Variants in PPP1R36 observed in about 807,000 individuals in gnomAD.
PPP1R36 encodes chromosome 14 open reading frame 50.
In PPP1R36, 47 loss-of-function variants were observed where a neutral mutation model predicts 53.4. The ratio of observed to expected loss-of-function variants is 0.88; its 90% CI spans 0.70 to 1.12. PPP1R36 has a LOEUF of 1.12. Ranked by LOEUF, PPP1R36 falls within the 50% of genes most tolerant of loss-of-function variation. PPP1R36 has a pLI of 0.00. For synonymous variants in PPP1R36, 153 were observed against 170.5 expected (o/e 0.90, Z 0.80); for missense variants, 456 against 513.9 (o/e 0.89, Z 1.09).
chr14:64,554,142 G>GTTTTT lies in PPP1R36; in HGVS notation c.182+1303_182+1307dup, dbSNP rs367753961. ...AGTCTGAGCAAATCCCATCACAATT[G>GTTTTT]TTTTTTTTTTTTTTTTTTTTTTTTT... On this transcript the variant is annotated intron_variant, in intron 3 of 11. Transcript: ENST00000298705. Among the ~76,000 whole-genome samples, 111 of 65,292 alleles carry GTTTTT rather than the reference G, an allele frequency of 1.7e-3. 12 individuals are homozygous for GTTTTT. Among genetic ancestry groups the GTTTTT allele is most frequent in the African/African-American group, 6.1e-3 (99 of 16,114 alleles). The allele number at this position is 65,292 out of a possible 152,430, so 42.8% of individuals were successfully genotyped here.
At chr14:64,557,394 AAAAT>A (rs1475852129) in intron 3 of PPP1R36, among the ~76,000 whole-genome samples, 1 of 152,192 alleles carries the variant, frequency 6.6e-6, no homozygotes, top group Non-Finnish European at 1.5e-5. Context: ...CCCAATATAT[AAAAT>A]AAGAAGAAGA....
intron 2 of PPP1R36, 119 bp downstream of exon 2, chr14:64,551,104 A>C (rs1218567360): frequency 1.5e-6 from 1 of 653,838 alleles, no homozygotes; most frequent in Non-Finnish European, 2.6e-6. Context: ...ATCTGGAAGG[A>C]AACAATCATT....
chr14:64,585,417 G>A (rs1405542895), intron 8 of PPP1R36, among the ~76,000 whole-genome samples: 1 of 151,686 alleles, frequency 6.6e-6, no homozygotes, highest in East Asian at 1.9e-4. Flanking sequence ...TTGGGAGGCT[G>A]AGGTGGGAGG....
At chr14:64,566,283 A>G (rs534745644) in intron 6 of PPP1R36, among the ~76,000 whole-genome samples, 1 of 152,048 alleles carries the variant, frequency 6.6e-6, no homozygotes, top group Non-Finnish European at 1.5e-5. Context: ...AAAAAAAGAA[A>G]AATACAAACA....
intron 2 of PPP1R36, among the ~76,000 whole-genome samples, chr14:64,552,035 C>T (rs2080097842): frequency 6.6e-6 from 1 of 152,136 alleles, no homozygotes; most frequent in Non-Finnish European, 1.5e-5. Flanking sequence ...CTAAGAAATA[C>T]TTAAGAGAGG....
At chr14:64,567,499 C>G (rs1194009974) in intron 6 of PPP1R36, among the ~76,000 whole-genome samples, 1 of 152,100 alleles carries the variant, frequency 6.6e-6, no homozygotes, top group Non-Finnish European at 1.5e-5. Flanking sequence ...AGAAAAGTGA[C>G]AAAAGCAAGT....
intron 8 of PPP1R36, among the ~76,000 whole-genome samples, chr14:64,581,851 C>T (rs77342342): frequency 0.053 from 8,002 of 152,226 alleles, 287 homozygotes; most frequent in Non-Finnish European, 0.081. Context: ...ATCCTGAAAG[C>T]TTTGGCAGAA....
chr14:64,571,669 A>G (rs2080304508), intron 7 of PPP1R36, among the ~76,000 whole-genome samples: 1 of 152,162 alleles, frequency 6.6e-6, no homozygotes, highest in Admixed American at 6.6e-5. Flanking sequence ...ACCTGACCGT[A>G]TTGCTGCTCC....
At chr14:64,586,584 C>T in intron 8 of PPP1R36, 1 of 348,334 alleles carries the variant, frequency 2.9e-6, no homozygotes. Flanking sequence ...GAATACATTT[C>T]CTCACTGGTT....
At chr14:64,559,658 G>A (rs190059566) in intron 3 of PPP1R36, 1 of 152,482 alleles carries the variant, frequency 6.6e-6, no homozygotes, top group East Asian at 1.9e-4. Context: ...GGGACTGCAG[G>A]TGGTTCATTA....
Position 64,589,324 on chromosome 14 carries a change from T to C in PPP1R36, c.1255T>C (p.Ser419Pro). 1.9e-6 allele frequency: 3 copies of C among 1,611,772 alleles called. No homozygotes were observed. The South Asian group carries it at 3.3e-5, about 18-fold the overall frequency. Residue 419 changes from serine (S) to proline (P), a missense_variant, in exon 12 of 12, where the codon TCA becomes CCA. Physicochemically the swap from Ser to Pro is moderately conservative, Grantham distance 74. Coordinates refer to ENST00000298705, the MANE Select transcript of PPP1R36 (RefSeq NM_172365.3). Reference protein sequence around the residue: ...LVMKTLSSHTSCPK With the variant: ...LVMKTLSSHTPCPK ...CATGAAAACACTGTCCTCTCATACA[T>C]CATGCCCTAAGTAACCTGGTACATT... is the stretch of plus-strand genomic sequence containing the variant.
chr14:64,577,791 T>C (rs145844154), intron 8 of PPP1R36, among the ~76,000 whole-genome samples: 73 of 140,696 alleles, frequency 5.2e-4, no homozygotes, highest in African/African-American at 1.8e-3. Context: ...AGTGGTGCGA[T>C]CTTGGCTCAC....
At chr14:64,550,639 C>G (rs1413605727) in intron 1 of PPP1R36, among the ~76,000 whole-genome samples, 1 of 152,188 alleles carries the variant, frequency 6.6e-6, no homozygotes, top group Admixed American at 6.5e-5. Flanking sequence ...TTCCTACTTT[C>G]CTCCCTTCCT....
chr14:64,552,567 G>A, intron 2 of PPP1R36: 2 of 342,936 alleles, frequency 5.8e-6, no homozygotes, highest in African/African-American at 3.9e-5. Context: ...ATACGTCTTG[G>A]GCTGTTGGAC....
intron 6 of PPP1R36, among the ~76,000 whole-genome samples, chr14:64,567,520 T>C (rs917168810): frequency 6.6e-6 from 1 of 152,190 alleles, no homozygotes; most frequent in Admixed American, 6.5e-5. Flanking sequence ...TGCAAAGAAT[T>C]GTATGTATAG....
chr14:64,585,058 G>C (rs191641519), intron 8 of PPP1R36, among the ~76,000 whole-genome samples: 2 of 152,340 alleles, frequency 1.3e-5, no homozygotes, highest in East Asian at 3.9e-4. Flanking sequence ...CAAGTGGAGG[G>C]CTAGTTTGGG....
At chr14:64,567,878 T>C (rs2080273219) in intron 6 of PPP1R36, among the ~76,000 whole-genome samples, 2 of 152,122 alleles carry the variant, frequency 1.3e-5, no homozygotes, top group African/African-American at 4.8e-5. Context: ...GGTCTCGAAC[T>C]CCTGACATCA....
At chr14:64,575,843 G>C (rs1233666253) in intron 8 of PPP1R36, among the ~76,000 whole-genome samples, 1 of 151,808 alleles carries the variant, frequency 6.6e-6, no homozygotes, top group African/African-American at 2.4e-5. Flanking sequence ...GTAGAGACAG[G>C]GTTTCACCAT....
At chr14:64,572,967 G>C (rs981131743) in intron 7 of PPP1R36, among the ~76,000 whole-genome samples, 1 of 152,138 alleles carries the variant, frequency 6.6e-6, no homozygotes, top group Non-Finnish European at 1.5e-5. Context: ...GGGGAAGGGG[G>C]TGTATTAAGG....
Sources: gnomAD v4.1 joint callset for allele counts (sites outside exome capture counted in the v4.1 genomes callset) on GRCh38, gnomAD v4.1.1 for gene constraint, MANE v1.5 for transcripts, NCBI Gene and HGNC (gene_info 2026-07-23, HGNC 2026-07-21) for gene names.